The following PTPRD variants were observed in gnomAD, a reference collection of about 807,000 sequenced individuals.
The protein encoded by PTPRD is receptor-type tyrosine-protein phosphatase delta.
A neutral mutation model predicts 214.5 loss-of-function variants in PTPRD; 34 were observed. The ratio of observed to expected loss-of-function variants is 0.16; its 90% confidence interval spans 0.12 to 0.21. PTPRD has a LOEUF of 0.21. Among genes scored for constraint, PTPRD ranks in the 10% least tolerant of loss-of-function variants. The pLI, the probability that PTPRD is intolerant of heterozygous loss-of-function variation, is 1.00. For missense variants in PTPRD, 2,545 were observed against 2,398.7 expected (o/e 1.06, Z -1.27); for synonymous variants, 1,128 against 845.7 (o/e 1.33, Z -5.79).
At position 10,118,318 on chromosome 9, in the gene PTPRD, C is replaced by T. The variant is rs1291092072; in HGVS notation, c.-544-84528G>A. Among the ~76,000 whole-genome samples, 4 of 151,308 alleles carry T rather than the reference C, an allele frequency of 2.6e-5. No individual in the cohort carries two copies. In the East Asian group the frequency reaches 7.8e-4, roughly 29 times the overall value. On this transcript the variant is annotated intron_variant, in intron 3 of 45. Coordinates refer to ENST00000381196, the MANE Select transcript of PTPRD (RefSeq NM_002839.4). The stretch of plus-strand genomic sequence containing the variant: ...AAACATTTATTATCTATATAACTGT[C>T]TATATATTTAATATATTAATGTACA...
chr9:9,747,120 A>G (rs1029354070), intron 6 of PTPRD, among the ~76,000 whole-genome samples: 36 of 152,168 alleles, frequency 2.4e-4, no homozygotes, highest in Admixed American at 5.9e-4. Flanking sequence ...GAAGTTTCTG[A>G]TGTCCCTAAA....
chr9:10,313,916 G>A (rs928523698), intron 3 of PTPRD, among the ~76,000 whole-genome samples: 4 of 151,780 alleles, frequency 2.6e-5, no homozygotes, highest in Non-Finnish European at 4.4e-5. Flanking sequence ...AAAGTCTCAC[G>A]GTTCAGACTA....
intron 3 of PTPRD, among the ~76,000 whole-genome samples, chr9:10,338,166 T>C (rs1387319206): frequency 1.3e-5 from 2 of 151,646 alleles, no homozygotes; most frequent in African/African-American, 2.4e-5. Flanking sequence ...ATCAAAGTTA[T>C]GTTAGGAAAC....
chr9:9,177,510 A>G (rs2099925633), intron 10 of PTPRD, among the ~76,000 whole-genome samples: 1 of 152,172 alleles, frequency 6.6e-6, no homozygotes, highest in Non-Finnish European at 1.5e-5. Flanking sequence ...TAATTAGAAA[A>G]TATATTAGAG....
intron 10 of PTPRD, among the ~76,000 whole-genome samples, chr9:9,094,843 G>A (rs545802331): frequency 2.4e-4 from 37 of 152,094 alleles, no homozygotes; most frequent in African/African-American, 8.0e-4. Flanking sequence ...GCATTATCCC[G>A]ACACCCAAAT....
chr9:10,253,834 A>G (rs954099993), intron 3 of PTPRD, among the ~76,000 whole-genome samples: 1 of 152,236 alleles, frequency 6.6e-6, no homozygotes, highest in African/African-American at 2.4e-5. Context: ...CATTGGCTAT[A>G]TGGAACTGTA....
intron 10 of PTPRD, among the ~76,000 whole-genome samples, chr9:9,024,419 TC>T (rs1475985716): frequency 6.8e-6 from 1 of 147,522 alleles, no homozygotes; most frequent in Non-Finnish European, 1.5e-5. Context: ...TTTGCATGAA[TC>T]ATGATTAATT....
intron 22 of PTPRD, among the ~76,000 whole-genome samples, chr9:8,506,735 C>T (rs571306783): frequency 2.0e-5 from 3 of 152,292 alleles, no homozygotes; most frequent in East Asian, 1.9e-4. Flanking sequence ...TTTTCAGTGA[C>T]GATCAACAAT....
chr9:8,726,296 G>C (rs898062234), intron 12 of PTPRD, among the ~76,000 whole-genome samples: 1 of 151,694 alleles, frequency 6.6e-6, no homozygotes, highest in African/African-American at 2.4e-5. Context: ...TACTTGAAAT[G>C]GGTCAGGTAC....
intron 2 of PTPRD, among the ~76,000 whole-genome samples, chr9:10,345,430 C>CA (rs956072370): frequency 1.3e-4 from 20 of 151,326 alleles, no homozygotes; most frequent in African/African-American, 4.4e-4. Flanking sequence ...CCCCACCCCC[C>CA]ACATGCCCCA....
chr9:10,319,398 T>C (rs1351332685), intron 3 of PTPRD, among the ~76,000 whole-genome samples: 16 of 152,070 alleles, frequency 1.1e-4, no homozygotes, highest in Non-Finnish European at 2.4e-4. Flanking sequence ...AAATTCAAAA[T>C]ATGTGCAAGG....
chr9:9,753,663 T>C (rs753848644), intron 6 of PTPRD, among the ~76,000 whole-genome samples: 2 of 152,010 alleles, frequency 1.3e-5, no homozygotes, highest in Non-Finnish European at 2.9e-5. Context: ...GTGATCCACA[T>C]TGTGCATCCT....
At chr9:10,019,697 T>C (rs10122491) in intron 4 of PTPRD, among the ~76,000 whole-genome samples, 22,360 of 151,402 alleles carry the variant, frequency 0.15, 1,931 homozygotes, top group African/African-American at 0.22. Context: ...AAACACCGCA[T>C]GTTCTCACTC....
chr9:10,236,068 A>G (rs2099627878), intron 3 of PTPRD, among the ~76,000 whole-genome samples: 1 of 151,874 alleles, frequency 6.6e-6, no homozygotes, highest in Non-Finnish European at 1.5e-5. Context: ...AATGACCTTA[A>G]AGTCATTTTT....
At chr9:8,851,918 C>T (rs2154543142) in intron 11 of PTPRD, among the ~76,000 whole-genome samples, 1 of 152,182 alleles carries the variant, frequency 6.6e-6, no homozygotes, top group South Asian at 2.1e-4. Context: ...CGAGATTTTG[C>T]AATTCTTTAG....
At chr9:9,395,184 A>C (rs1431737004) in intron 9 of PTPRD, among the ~76,000 whole-genome samples, 1 of 133,510 alleles carries the variant, frequency 7.5e-6, no homozygotes, top group Admixed American at 8.3e-5. Context: ...CAGGAACATG[A>C]AACAAAAAAA....
intron 7 of PTPRD, among the ~76,000 whole-genome samples, chr9:9,637,635 C>T (rs1338063972): frequency 2.0e-5 from 3 of 152,216 alleles, no homozygotes; most frequent in Non-Finnish European, 4.4e-5. Flanking sequence ...AGCTCTCATA[C>T]ATTGAAATGC....
chr9:8,870,270 C>T (rs2098272821), intron 11 of PTPRD, among the ~76,000 whole-genome samples: 1 of 151,916 alleles, frequency 6.6e-6, no homozygotes, highest in Non-Finnish European at 1.5e-5. Flanking sequence ...GTCAAACAGA[C>T]CCCTCAAAAT....
chr9:8,652,504 A>G (rs2096832763), intron 12 of PTPRD, among the ~76,000 whole-genome samples: 1 of 152,216 alleles, frequency 6.6e-6, no homozygotes, highest in Non-Finnish European at 1.5e-5. Context: ...TGCCAGACTA[A>G]GACATGCTGT....
Sources: allele counts gnomAD v4.1 joint callset (sites outside exome capture counted in the v4.1 genomes callset), GRCh38; gene constraint gnomAD v4.1.1; transcripts MANE v1.5; gene names NCBI Gene and HGNC (gene_info 2026-07-23, HGNC 2026-07-21).